Variants in PTPRU observed in about 807,000 individuals in gnomAD.
PTPRU encodes the protein receptor-type tyrosine-protein phosphatase U.
In PTPRU, 69 loss-of-function variants were observed where a neutral mutation model predicts 166.3. The observed-to-expected ratio is 0.41, with a 90% CI of 0.34 to 0.51. The LOEUF (loss-of-function observed/expected upper bound fraction) is 0.51. Ranked by LOEUF, PTPRU falls within the 20% of genes least tolerant of loss-of-function variation. The pLI is 0.09. For missense variants in PTPRU, 1,657 were observed against 2,013.7 expected, an observed-to-expected ratio of 0.82 and a Z score of 3.39; for synonymous variants, 793 against 814.0, an observed-to-expected ratio of 0.97 and a Z score of 0.44.
rs1688271010 is a variant in PTPRU, at chr1:29,323,695, C to T, written c.4019C>T (p.Thr1340Ile). 1.2e-6 allele frequency: 2 copies of T among 1,614,054 alleles called. No homozygotes were observed. The highest frequency in any genetic ancestry group is 4.5e-5 in the East Asian group (2 of 44,894). The change falls in exon 28 of 30, where the codon ACA becomes ATA. Residue 1340 changes from threonine (T) to isoleucine (I), a missense_variant. Physicochemically the swap from Thr to Ile is moderately conservative, Grantham distance 89 (BLOSUM62 -1). Transcript: ENST00000373779. Reference sequence around the variant, plus strand: ...CTGCGCTGGTCTGCATACCGGGACACACCTGACTCCAAGAAGGCCTTCTTG... The same window carrying T: ...CTGCGCTGGTCTGCATACCGGGACATACCTGACTCCAAGAAGGCCTTCTTG... ...QFLRWSAYRDTPDSKKAFLHL... is the reference protein window; with the variant it reads ...QFLRWSAYRDIPDSKKAFLHL...
intron 26 of PTPRU, 192 bp from the exon 27 acceptor site, chr1:29,323,179 C>T: frequency 7.5e-6 from 5 of 669,976 alleles, no homozygotes; most frequent in Non-Finnish European, 1.2e-5. Flanking sequence ...CGCATTGGGG[C>T]AGGTGGGCCT....
chr1:29,281,140 T>C (rs984239415), intron 11 of PTPRU, among the ~76,000 whole-genome samples: 3 of 151,942 alleles, frequency 2.0e-5, no homozygotes, highest in African/African-American at 7.3e-5. Flanking sequence ...AGGGTCCTAG[T>C]CAGTTCCCTA....
intron 15 of PTPRU, among the ~76,000 whole-genome samples, chr1:29,298,440 G>A (rs193262219): frequency 6.6e-6 from 1 of 152,280 alleles, no homozygotes; most frequent in African/African-American, 2.4e-5. Context: ...GGAAAGCCAT[G>A]TTGATTTTGG....
At chr1:29,298,359 T>C (rs1298556327) in intron 15 of PTPRU, among the ~76,000 whole-genome samples, 9 of 152,094 alleles carry the variant, frequency 5.9e-5, no homozygotes. Context: ...TTCTCTGCCC[T>C]CCACTTGCTG....
At chr1:29,307,060 C>T in intron 18 of PTPRU, 2 of 1,558,236 alleles carry the variant, frequency 1.3e-6, no homozygotes, top group South Asian at 2.2e-5. Flanking sequence ...GCTCCGTCCA[C>T]CTCCATCTGC....
In PTPRU at chr1:29,312,539, A is replaced by T. The variant is rs775241594; in HGVS notation, c.3073-13A>T. The T allele has an allele frequency of 1.3e-6, 2 of 1,571,708 alleles. No individual in the cohort carries two copies. The highest frequency in any genetic ancestry group is 2.7e-5 in the African/African-American group (2 of 74,102). ...GCCAGGGACTCTGATTATTATTCCC[A>T]TTGTCTCCCCAGAGAGGCTACTCTG... On this transcript the variant is annotated splice_polypyrimidine_tract_variant and intron_variant, in intron 21 of 29. Transcript: ENST00000373779.
At chr1:29,307,164 C>T in intron 18 of PTPRU, 1 of 1,611,316 alleles carries the variant, frequency 6.2e-7, no homozygotes, top group Non-Finnish European at 8.5e-7. Context: ...TCTCTCTCCC[C>T]TTCTCCTCCT....
chr1:29,258,482 GC>G, intron 2 of PTPRU, 22 bp from the exon 3 acceptor site: 1 of 1,606,968 alleles, frequency 6.2e-7, no homozygotes, highest in Non-Finnish European at 8.5e-7. Flanking sequence ...CTCATCTCCT[GC>G]CTCTTCCTCC....
intron 15 of PTPRU, among the ~76,000 whole-genome samples, chr1:29,298,682 C>T (rs904280475): frequency 4.6e-5 from 7 of 152,126 alleles, no homozygotes; most frequent in African/African-American, 1.7e-4. Flanking sequence ...AAATAAGTGC[C>T]AGGTTTTTTC....
intron 1 of PTPRU, among the ~76,000 whole-genome samples, chr1:29,241,002 A>G (rs1574590842): frequency 6.6e-6 from 1 of 152,090 alleles, no homozygotes; most frequent in East Asian, 1.9e-4. Flanking sequence ...GTGTGTGCAG[A>G]TGTGACTCTA....
chr1:29,247,743 C>T (rs1250196522), intron 1 of PTPRU, among the ~76,000 whole-genome samples: 1 of 152,226 alleles, frequency 6.6e-6, no homozygotes, highest in African/African-American at 2.4e-5. Context: ...CTGGGATTTG[C>T]AGCACATATT....
In PTPRU at chr1:29,294,640, C is replaced by T. The variant is rs1471559085; in HGVS notation, c.2476+2614C>T. Among the ~76,000 whole-genome samples the T allele has an allele frequency of 2.6e-5, 4 of 152,054 alleles. No individual in the cohort carries two copies. In the East Asian group the frequency reaches 7.7e-4, roughly 29 times the overall value. ...TTTTTGTGTTTTTTAAAGAAGTTTT[C>T]CCTATCCAAAGTTATAAAATATTTT... On this transcript the variant is annotated intron_variant, in intron 15 of 29. Transcript: ENST00000373779.
At chr1:29,310,171 A>C (rs1402289912) in intron 18 of PTPRU, among the ~76,000 whole-genome samples, 1 of 152,116 alleles carries the variant, frequency 6.6e-6, no homozygotes, top group African/African-American at 2.4e-5. Context: ...TAAAGATTTT[A>C]ACATTTTATC....
chr1:29,323,137 A>C (rs1295000657), intron 26 of PTPRU: 2 of 530,484 alleles, frequency 3.8e-6, no homozygotes, highest in African/African-American at 3.8e-5. Context: ...CAAAGGGTTC[A>C]TCTTGGCTGA....
intron 13 of PTPRU, 84 bp downstream of exon 13, chr1:29,284,060 G>A (rs949548972): frequency 1.2e-4 from 180 of 1,539,002 alleles, no homozygotes; most frequent in African/African-American, 1.1e-3. Flanking sequence ...GAGGACCTAC[G>A]GCTGTGGGAG....
Position 29,259,441 on chromosome 1 carries a change from C to A in PTPRU, c.560-8C>A. 1.2e-6 allele frequency: 2 copies of A among 1,609,982 alleles called. No homozygotes were observed. Among genetic ancestry groups the A allele is most frequent in the South Asian group, 1.1e-5 (1 of 90,760 alleles). On this transcript the variant is annotated splice_polypyrimidine_tract_variant and splice_region_variant and intron_variant, in intron 4 of 29. Coordinates refer to ENST00000373779, the MANE Select transcript of PTPRU (RefSeq NM_133178.4). ...GGCCCAGCTCACGATGCAGCTCTAA[C>A]CCCGCAGCAAAGGCCCCACACTTCT...
intron 15 of PTPRU, among the ~76,000 whole-genome samples, chr1:29,301,009 G>T (rs141182633): frequency 8.6e-4 from 131 of 152,292 alleles, no homozygotes; most frequent in African/African-American, 3.0e-3. Flanking sequence ...AGTAGGGGGA[G>T]GAGGAGTTTT....
chr1:29,282,812 C>G lies in PTPRU; in HGVS notation c.2005C>G (p.Leu669Val). The change falls in exon 12 of 30, where the codon CTG becomes GTG. Residue 669 changes from leucine (L) to valine (V), a missense_variant. Transcript: ENST00000373779. ...CCTGGTGCACTACTTCGGGGCCGAA[C>G]TGGCGGCCAGCAGTCTACCTGAGGC... ...RGLVHYFGAE[L>V]AASSLPEAMP... 6.2e-7 allele frequency: 1 copy of G among 1,614,180 alleles called. No homozygotes were observed. The highest frequency in any genetic ancestry group is 8.5e-7 in the Non-Finnish European group (1 of 1,180,020).
Position 29,280,784 on chromosome 1 carries a change from TGA to T in PTPRU, c.1868+647_1868+648del, listed in dbSNP as rs1176199267. Among the ~76,000 whole-genome samples the T allele has an allele frequency of 6.6e-6, 1 of 151,914 alleles. No individual in the cohort carries two copies. The highest frequency in any genetic ancestry group is 2.4e-5 in the African/African-American group (1 of 41,344). ...TGGGAGACATAAGTGTGCATGTGTG[TGA>T]GAGTGTGAGGGTGTTTGTGCAACTG... On this transcript the variant is annotated intron_variant, in intron 11 of 29. Coordinates refer to ENST00000373779, the MANE Select transcript of PTPRU (RefSeq NM_133178.4). This position sits in a 1 kb window ranked among gnomAD's most constrained non-coding sequence, Gnocchi z 4.2.
Sources: allele counts gnomAD v4.1 joint callset (sites outside exome capture counted in the v4.1 genomes callset), GRCh38; gene constraint gnomAD v4.1.1; non-coding constraint Gnocchi (gnomAD v3.1); transcripts MANE v1.5; gene names NCBI Gene and HGNC (gene_info 2026-07-23, HGNC 2026-07-21).